The following ZMIZ1 variants were observed in gnomAD, a reference collection of about 807,000 sequenced individuals.
The protein encoded by ZMIZ1 is zinc finger MIZ domain-containing protein 1.
Under a neutral mutation model 113.9 loss-of-function variants are expected in ZMIZ1, and 17 were observed. The observed-to-expected ratio is 0.15, with a 90% CI of 0.10 to 0.22. The LOEUF is 0.22. Ranked by LOEUF, ZMIZ1 falls within the 10% of genes least tolerant of loss-of-function variation. ZMIZ1 has a pLI of 1.00. For synonymous variants in ZMIZ1, 607 were observed against 603.1 expected (o/e 1.01, Z -0.09); for missense variants, 1,059 against 1,477.8 (o/e 0.72, Z 4.65).
At chr10:79,173,207 G>C (rs1311191256) in intron 4 of ZMIZ1, among the ~76,000 whole-genome samples, 1 of 152,196 alleles carries the variant, frequency 6.6e-6, no homozygotes, top group African/African-American at 2.4e-5. Context: ...CGTGACCCAT[G>C]GGCCACACGT....
At chr10:79,290,771 C>G in intron 9 of ZMIZ1, 188 bp from the exon 10 acceptor site, 1 of 741,242 alleles carries the variant, frequency 1.3e-6, no homozygotes, top group East Asian at 2.7e-5. Context: ...CCCACGCCAC[C>G]TGCCGCCCAG....
chr10:79,117,746 C>T (rs547891046), intron 1 of ZMIZ1, among the ~76,000 whole-genome samples: 25 of 152,272 alleles, frequency 1.6e-4, no homozygotes, highest in African/African-American at 6.0e-4. Context: ...AGAAGGGGGA[C>T]TTTACAAAGA....
intron 7 of ZMIZ1, among the ~76,000 whole-genome samples, chr10:79,224,100 C>T (rs1849104963): frequency 6.6e-6 from 1 of 152,162 alleles, no homozygotes; most frequent in Non-Finnish European, 1.5e-5. Flanking sequence ...GGAATGCTTA[C>T]ATGTAATATT....
chr10:79,219,245 A>G (rs1035421337), intron 7 of ZMIZ1, among the ~76,000 whole-genome samples: 2 of 152,180 alleles, frequency 1.3e-5, no homozygotes, highest in Non-Finnish European at 2.9e-5. Context: ...TCCCCAGAGG[A>G]GCAGGAGAGA....
chr10:79,112,532 C>T (rs887408988), intron 1 of ZMIZ1, among the ~76,000 whole-genome samples: 1 of 152,096 alleles, frequency 6.6e-6, no homozygotes, highest in African/African-American at 2.4e-5. Context: ...CCACTTCTGC[C>T]CTGTAATATC....
At chr10:79,160,637 C>A (rs1197550175) in intron 3 of ZMIZ1, among the ~76,000 whole-genome samples, 1 of 152,262 alleles carries the variant, frequency 6.6e-6, no homozygotes, top group Admixed American at 6.5e-5. Context: ...GATTACTGAG[C>A]CTGCCTCTCA....
At chr10:79,201,009 C>T (rs1848056182) in intron 4 of ZMIZ1, among the ~76,000 whole-genome samples, 1 of 152,196 alleles carries the variant, frequency 6.6e-6, no homozygotes, top group Non-Finnish European at 1.5e-5. Flanking sequence ...CATGCGCATA[C>T]AGAAATGTGT....
At chr10:79,301,518 G>A (rs1019850861) in intron 17 of ZMIZ1, among the ~76,000 whole-genome samples, 3 of 151,940 alleles carry the variant, frequency 2.0e-5, no homozygotes, top group Non-Finnish European at 4.4e-5. Flanking sequence ...TCAGGCCCCA[G>A]TGGAAGTAAA....
At chr10:79,167,894 C>G (rs703992) in intron 4 of ZMIZ1, among the ~76,000 whole-genome samples, 121,586 of 152,144 alleles carry the variant, frequency 0.8, 49,046 homozygotes, top group African/African-American at 0.88. Context: ...GTTGTGTCCT[C>G]CTAACCAGCC....
intron 4 of ZMIZ1, among the ~76,000 whole-genome samples, chr10:79,171,235 G>C (rs990714756): frequency 2.0e-5 from 3 of 152,256 alleles, no homozygotes; most frequent in Admixed American, 1.3e-4. Context: ...ATGAGATCTC[G>C]TTTGAGGCAG....
intron 5 of ZMIZ1, among the ~76,000 whole-genome samples, chr10:79,202,829 T>A (rs2132660351): frequency 6.6e-6 from 1 of 152,348 alleles, no homozygotes; most frequent in South Asian, 2.1e-4. Context: ...GAGAGGGGCA[T>A]GGGCTTTGGT....
At chr10:79,280,259 A>G (rs1200227356) in intron 8 of ZMIZ1, among the ~76,000 whole-genome samples, 2 of 151,990 alleles carry the variant, frequency 1.3e-5, no homozygotes, top group South Asian at 2.1e-4. Flanking sequence ...GATTATAGGC[A>G]TGAACCACCA....
chr10:79,186,147 G>C (rs529562251), intron 4 of ZMIZ1, among the ~76,000 whole-genome samples: 1 of 152,150 alleles, frequency 6.6e-6, no homozygotes, highest in Admixed American at 6.5e-5. Flanking sequence ...CACCACCCAC[G>C]CCCTTTGGGC....
chr10:79,177,461 AC>A (rs1846921076), intron 4 of ZMIZ1, among the ~76,000 whole-genome samples: 2 of 152,144 alleles, frequency 1.3e-5, no homozygotes, highest in African/African-American at 4.8e-5. Flanking sequence ...GTTCAAGCAC[AC>A]CCAGACCCGT....
chr10:79,228,547 CAG>C (rs542206391), intron 7 of ZMIZ1, among the ~76,000 whole-genome samples: 166 of 152,386 alleles, frequency 1.1e-3, no homozygotes, highest in African/African-American at 3.9e-3. Flanking sequence ...ATCTGGCACA[CAG>C]GGGCAGGGAG....
intron 23 of ZMIZ1, 61 bp from the exon 24 acceptor site, chr10:79,310,863 G>T: frequency 6.5e-7 from 1 of 1,538,882 alleles, no homozygotes; most frequent in Non-Finnish European, 8.8e-7. Flanking sequence ...TTTTCTCCAG[G>T]CATCATCGCC....
At chr10:79,148,784 G>A (rs1845596173) in intron 3 of ZMIZ1, among the ~76,000 whole-genome samples, 1 of 152,162 alleles carries the variant, frequency 6.6e-6, no homozygotes. Context: ...TGGGGTCCTG[G>A]CCTCCCACCA....
At chr10:79,093,654 C>G (rs779331476) in intron 1 of ZMIZ1, among the ~76,000 whole-genome samples, 4 of 152,104 alleles carry the variant, frequency 2.6e-5, no homozygotes, top group Admixed American at 1.3e-4. Flanking sequence ...CACATGCGTA[C>G]GTGATGTGCT....
chr10:79,193,009 C>T (rs1035663918), intron 4 of ZMIZ1, among the ~76,000 whole-genome samples: 8 of 152,304 alleles, frequency 5.3e-5, no homozygotes, highest in Admixed American at 1.3e-4. Context: ...CTCCTACTGT[C>T]CTTGCTTCAC....
Sources: gnomAD v4.1 joint callset for allele counts (sites outside exome capture counted in the v4.1 genomes callset) on GRCh38, gnomAD v4.1.1 for gene constraint, MANE v1.5 for transcripts, NCBI Gene and HGNC (gene_info 2026-07-23, HGNC 2026-07-21) for gene names.